SHB: variants seen among roughly 807,000 people sequenced by gnomAD.
SHB encodes SH2 domain-containing adapter protein B.
Under a neutral mutation model 52.3 loss-of-function variants are expected in SHB, and 20 were observed. The ratio of observed to expected loss-of-function variants is 0.38; its 90% CI spans 0.27 to 0.56. The LOEUF (loss-of-function observed/expected upper bound fraction) is 0.56. Among genes scored for constraint, SHB ranks in the 20% least tolerant of loss-of-function variants. The pLI is 0.71. For missense variants in SHB, 825 were observed against 723.3 expected (o/e 1.14, Z -1.61); for synonymous variants, 397 against 316.5 (o/e 1.25, Z -2.70).
intron 1 of SHB, among the ~76,000 whole-genome samples, chr9:38,020,199 T>G (rs1040434899): frequency 6.6e-5 from 10 of 152,260 alleles, no homozygotes; most frequent in African/African-American, 2.4e-4. Context: ...ATGTACTATG[T>G]GCAAAACTAA....
chr9:38,003,212 A>C (rs1018023510), intron 2 of SHB, among the ~76,000 whole-genome samples: 2 of 152,032 alleles, frequency 1.3e-5, no homozygotes, highest in African/African-American at 4.8e-5. Context: ...TGGGCGAGCC[A>C]AAGGCATAGG....
intron 5 of SHB, among the ~76,000 whole-genome samples, chr9:37,933,247 T>C (rs147633488): frequency 5.9e-5 from 9 of 152,298 alleles, no homozygotes; most frequent in African/African-American, 1.9e-4. Flanking sequence ...ATCTGTGAAA[T>C]AGAGAATAGT....
chr9:38,053,579 T>C (rs745877434), intron 1 of SHB, among the ~76,000 whole-genome samples: 8 of 152,082 alleles, frequency 5.3e-5, no homozygotes, highest in Non-Finnish European at 1.2e-4. Flanking sequence ...TGGGGTGTTG[T>C]GGGAATCAGT....
In SHB at chr9:38,066,810, C is replaced by CCAT. The variant is rs1166722914; in HGVS notation, c.717+1118_717+1119insATG. ...ATGGCAGGTAAGAGCCTGTCTCCCT[C>CCAT]CTGTCTGGACATCCAGTCCTAAAAG... On this transcript the variant is annotated intron_variant, in intron 1 of 5. Transcript: ENST00000377707. 8.5e-5 allele frequency among the ~76,000 whole-genome samples: 13 copies of CCAT among 152,306 alleles called. No homozygotes were observed. In the East Asian group the frequency reaches 1.7e-3, roughly 20 times the overall value.
chr9:38,026,232 C>A (rs1821340874), intron 1 of SHB, among the ~76,000 whole-genome samples: 1 of 152,218 alleles, frequency 6.6e-6, no homozygotes, highest in African/African-American at 2.4e-5. Context: ...GGCCTCTGTG[C>A]CCCAGCCAAG....
chr9:38,007,998 G>C (rs1207546048), intron 2 of SHB, among the ~76,000 whole-genome samples: 2 of 152,136 alleles, frequency 1.3e-5, no homozygotes. Flanking sequence ...TGTTCTCCAA[G>C]ACCAGATTTC....
intron 1 of SHB, among the ~76,000 whole-genome samples, chr9:38,021,114 G>A (rs1821276617): frequency 6.6e-6 from 1 of 152,188 alleles, no homozygotes; most frequent in Admixed American, 6.5e-5. Flanking sequence ...GAGGCGGGCG[G>A]ATTACCTGAG....
intron 2 of SHB, among the ~76,000 whole-genome samples, chr9:37,979,836 A>G (rs1820702222): frequency 6.6e-6 from 1 of 152,182 alleles, no homozygotes; most frequent in African/African-American, 2.4e-5. Context: ...AGGTACCTGT[A>G]AAATTTTTTG....
intron 1 of SHB, among the ~76,000 whole-genome samples, chr9:38,038,899 G>A (rs915868759): frequency 2.6e-5 from 4 of 152,224 alleles, no homozygotes; most frequent in African/African-American, 9.6e-5. Context: ...GAGGGAGTGT[G>A]TGCCAAAGAG....
intron 3 of SHB, among the ~76,000 whole-genome samples, chr9:37,967,865 G>A (rs575814394): frequency 8.5e-5 from 13 of 152,344 alleles, no homozygotes; most frequent in South Asian, 2.1e-4. Context: ...GGCGCGGATC[G>A]GAGGAAGGCC....
intron 2 of SHB, among the ~76,000 whole-genome samples, chr9:37,978,879 C>T (rs1308143018): frequency 2.0e-5 from 3 of 152,196 alleles, no homozygotes; most frequent in Non-Finnish European, 4.4e-5. Flanking sequence ...AAGATGAGCA[C>T]ATGAAAGAGA....
chr9:37,987,060 G>T (rs905050978), intron 2 of SHB, among the ~76,000 whole-genome samples: 2 of 152,194 alleles, frequency 1.3e-5, no homozygotes, highest in Non-Finnish European at 2.9e-5. Context: ...TACCCTGTGG[G>T]GGCTTCCCTG....
Position 38,068,070 on chromosome 9 carries a change from C to T in SHB, c.576G>A (p.Ala192=). 1 of 1,491,856 alleles carries T rather than the reference C, an allele frequency of 6.7e-7. No homozygotes were observed. The highest frequency in any genetic ancestry group is 1.3e-5 in the South Asian group (1 of 76,768). 92.4% of individuals were successfully genotyped at this position (1,491,856 alleles called of 1,614,324 possible). Residue 192 remains alanine, a synonymous_variant, in exon 1 of 6, where the codon GCG becomes GCA. Coordinates refer to ENST00000377707, the MANE Select transcript of SHB (RefSeq NM_003028.3). ...KHRLIKVESA[A]GGGAGDPLGG... is the part of the protein sequence containing the mutation. Reference sequence around the variant, plus strand: ...CCAGGGGGTCCCCGGCCCCACCGCCCGCGGCGCTCTCCACTTTGATGAGGC... The same window carrying T: ...CCAGGGGGTCCCCGGCCCCACCGCCTGCGGCGCTCTCCACTTTGATGAGGC...
chr9:38,009,836 T>G (rs1000054097), intron 2 of SHB, among the ~76,000 whole-genome samples: 1 of 152,206 alleles, frequency 6.6e-6, no homozygotes, highest in Non-Finnish European at 1.5e-5. Flanking sequence ...TGACTTTAAT[T>G]TCCTCTTATT....
intron 5 of SHB, among the ~76,000 whole-genome samples, chr9:37,920,744 G>A (rs1195702392): frequency 1.3e-5 from 2 of 152,126 alleles, no homozygotes; most frequent in African/African-American, 2.4e-5. Context: ...TCATCTGGTG[G>A]CACTGAGGAC....
chr9:38,002,213 T>C (rs1821022600), intron 2 of SHB, among the ~76,000 whole-genome samples: 1 of 152,118 alleles, frequency 6.6e-6, no homozygotes, highest in Admixed American at 6.5e-5. Context: ...GAGAAATAAA[T>C]ATAAATGGTG....
intron 1 of SHB, among the ~76,000 whole-genome samples, chr9:38,039,745 G>A (rs948091040): frequency 2.0e-5 from 3 of 152,244 alleles, no homozygotes; most frequent in African/African-American, 7.2e-5. Context: ...TCCCTCATGA[G>A]TCCAGGCCAG....
intron 1 of SHB, among the ~76,000 whole-genome samples, chr9:38,030,268 TC>T (rs1188637836): frequency 2.6e-5 from 4 of 151,812 alleles, no homozygotes; most frequent in African/African-American, 7.3e-5. Context: ...ATGTACAACT[TC>T]CCCCCTCAGA....
At chr9:37,996,164 G>A (rs1820944333) in intron 2 of SHB, among the ~76,000 whole-genome samples, 1 of 152,190 alleles carries the variant, frequency 6.6e-6, no homozygotes, top group Non-Finnish European at 1.5e-5. Flanking sequence ...GGGTCTGCAG[G>A]TGGGAGTGGA....
Sources: allele counts gnomAD v4.1 joint callset (sites outside exome capture counted in the v4.1 genomes callset), GRCh38; gene constraint gnomAD v4.1.1; transcripts MANE v1.5; gene names NCBI Gene and HGNC (gene_info 2026-07-23, HGNC 2026-07-21).